Variants in SUCLG2 observed in about 807,000 individuals in gnomAD.
SUCLG2 encodes the protein succinate--CoA ligase [GDP-forming] subunit beta, mitochondrial.
Under a neutral mutation model 47.9 loss-of-function variants are expected in SUCLG2, and 42 were observed. That is an observed-to-expected ratio of 0.88 (90% confidence interval 0.69 to 1.14). SUCLG2 has a LOEUF of 1.14. Ranked by LOEUF, SUCLG2 falls within the 50% of genes most tolerant of loss-of-function variation. The pLI, the probability that SUCLG2 is intolerant of heterozygous loss-of-function variation, is 0.00. For synonymous variants in SUCLG2, 195 were observed against 197.3 expected (o/e 0.99, Z 0.10); for missense variants, 571 against 525.9 (o/e 1.09, Z -0.84).
intron 4 of SUCLG2, among the ~76,000 whole-genome samples, chr3:67,521,223 C>G (rs1323282513): frequency 6.6e-6 from 1 of 152,142 alleles, no homozygotes; most frequent in Non-Finnish European, 1.5e-5. Context: ...AAGCAGCTTC[C>G]TGCTGCACAG....
chr3:67,605,112 G>C (rs899253360), intron 2 of SUCLG2, among the ~76,000 whole-genome samples: 18 of 152,098 alleles, frequency 1.2e-4, no homozygotes, highest in African/African-American at 4.3e-4. Flanking sequence ...CTCAGTGTTA[G>C]ACACATAATC....
At chr3:67,527,627 A>G (rs886502457) in intron 4 of SUCLG2, among the ~76,000 whole-genome samples, 2 of 152,166 alleles carry the variant, frequency 1.3e-5, no homozygotes, top group African/African-American at 4.8e-5. Context: ...CATGCTATAC[A>G]TACTTGGGTA....
intron 1 of SUCLG2, among the ~76,000 whole-genome samples, chr3:67,652,921 T>A (rs1159557471): frequency 6.6e-6 from 1 of 152,234 alleles, no homozygotes; most frequent in African/African-American, 2.4e-5. Flanking sequence ...TTTTACCTTC[T>A]AAGAATTTAC....
At chr3:67,402,467 G>A (rs1352656) in intron 9 of SUCLG2, among the ~76,000 whole-genome samples, 37,633 of 152,148 alleles carry the variant, frequency 0.25, 5,337 homozygotes, top group African/African-American at 0.39. Flanking sequence ...GCTACTCCCA[G>A]AAAAGAAATC....
At chr3:67,376,266 A>G in intron 10 of SUCLG2, 1 of 985,450 alleles carries the variant, frequency 1.0e-6, no homozygotes, top group Non-Finnish European at 1.2e-6. Flanking sequence ...AGCTATGTCC[A>G]CAAATCCACT....
In SUCLG2 at chr3:67,508,787, C is replaced by T. The variant is rs377498654; in HGVS notation, c.757+20G>A. On this transcript the variant is annotated intron_variant, in intron 7 of 10. Transcript: ENST00000307227. ...ATTATAATACATTCATTTGTTTTCT[C>T]AATTCTTTTTTTTTTTTACCTTGTC... 1.3e-6 allele frequency: 2 copies of T among 1,505,928 alleles called. No individual in the cohort carries two copies. Among genetic ancestry groups the T allele is most frequent in the Non-Finnish European group, 1.8e-6 (2 of 1,098,616 alleles). The allele number at this position is 1,505,928 out of a possible 1,614,324, so 93.3% of individuals were successfully genotyped here.
chr3:67,403,994 T>C (rs1702747799), intron 9 of SUCLG2, among the ~76,000 whole-genome samples: 1 of 152,214 alleles, frequency 6.6e-6, no homozygotes, highest in African/African-American at 2.4e-5. Flanking sequence ...CAAGTGGTTC[T>C]CATACCTCAG....
chr3:67,582,266 T>C (rs749603370), intron 2 of SUCLG2, among the ~76,000 whole-genome samples: 3 of 152,178 alleles, frequency 2.0e-5, no homozygotes, highest in Non-Finnish European at 4.4e-5. Flanking sequence ...ACCCTCCTCC[T>C]ACCCTCCATT....
At chr3:67,628,602 C>A (rs549533470) in intron 1 of SUCLG2, among the ~76,000 whole-genome samples, 2 of 152,304 alleles carry the variant, frequency 1.3e-5, no homozygotes, top group South Asian at 4.1e-4. Context: ...TGGGAGGTAA[C>A]TGAATCATGG....
intron 1 of SUCLG2, among the ~76,000 whole-genome samples, chr3:67,625,198 C>T (rs138848535): frequency 1.6e-3 from 246 of 152,204 alleles, no homozygotes; most frequent in African/African-American, 5.7e-3. Flanking sequence ...GTCAAGATGA[C>T]AGTTCTGGGA....
intron 10 of SUCLG2, among the ~76,000 whole-genome samples, chr3:67,392,842 T>A (rs1702421840): frequency 6.6e-6 from 1 of 150,924 alleles, no homozygotes; most frequent in African/African-American, 2.4e-5. Flanking sequence ...TGAGATGGGG[T>A]CTTGCTAAGT....
intron 8 of SUCLG2, 80 bp from the exon 9 acceptor site, chr3:67,496,020 T>C: frequency 1.9e-6 from 3 of 1,562,744 alleles, no homozygotes; most frequent in East Asian, 2.3e-5. Context: ...CTCCCCCATA[T>C]TGCCAAGAGA....
chr3:67,634,102 C>A (rs1414218077), intron 1 of SUCLG2, among the ~76,000 whole-genome samples: 1 of 152,210 alleles, frequency 6.6e-6, no homozygotes, highest in Non-Finnish European at 1.5e-5. Context: ...ATTATCTAAG[C>A]CTAATGCTAC....
intron 9 of SUCLG2, among the ~76,000 whole-genome samples, chr3:67,452,533 C>G (rs2106939018): frequency 6.6e-6 from 1 of 152,304 alleles, no homozygotes; most frequent in South Asian, 2.1e-4. Context: ...TTATTAAACC[C>G]TTTCTAATAT....
chr3:67,411,716 C>T (rs2106838019), intron 9 of SUCLG2, among the ~76,000 whole-genome samples: 1 of 152,226 alleles, frequency 6.6e-6, no homozygotes, highest in Non-Finnish European at 1.5e-5. Flanking sequence ...CCCAAATCCC[C>T]ACCTTTTGTT....
intron 2 of SUCLG2, among the ~76,000 whole-genome samples, chr3:67,544,332 C>T (rs1471010490): frequency 6.6e-6 from 1 of 152,088 alleles, no homozygotes; most frequent in East Asian, 1.9e-4. Flanking sequence ...AGGGAGGGAC[C>T]TAGTGGGAGG....
At chr3:67,446,723 C>T (rs1380975180) in intron 9 of SUCLG2, among the ~76,000 whole-genome samples, 1 of 151,854 alleles carries the variant, frequency 6.6e-6, no homozygotes, top group Non-Finnish European at 1.5e-5. Flanking sequence ...TAAGCTATTG[C>T]ACCCAGCCAT....
intron 1 of SUCLG2, among the ~76,000 whole-genome samples, chr3:67,614,569 T>C (rs998648089): frequency 6.6e-6 from 1 of 151,992 alleles, no homozygotes; most frequent in Non-Finnish European, 1.5e-5. Flanking sequence ...TAAATTCTAT[T>C]AAATGACCTC....
Position 67,558,648 on chromosome 3 carries a change from T to C in SUCLG2, c.227-29462A>G, listed in dbSNP as rs572867519. On this transcript the variant is annotated intron_variant, in intron 2 of 10. Coordinates refer to ENST00000307227, the MANE Select transcript of SUCLG2 (RefSeq NM_003848.4). ...ATGATTTCCGGTAATAGAAATTTCC[T>C]ACTGATCCGTTTCCAAAAGGCAGTA... 2.6e-5 allele frequency among the ~76,000 whole-genome samples: 4 copies of C among 152,340 alleles called. No individual in the cohort carries two copies. In the East Asian group the frequency reaches 5.8e-4, roughly 22 times the overall value.
Sources: allele counts gnomAD v4.1 joint callset (sites outside exome capture counted in the v4.1 genomes callset), GRCh38; gene constraint gnomAD v4.1.1; transcripts MANE v1.5; gene names NCBI Gene and HGNC (gene_info 2026-07-23, HGNC 2026-07-21).